Variants in NRL observed in about 807,000 individuals in gnomAD.
NRL encodes neural retina-specific leucine zipper protein.
In NRL, 16 loss-of-function variants were observed where a neutral mutation model predicts 12.5. The observed-to-expected ratio is 1.28, with a 90% CI of 0.87 to 1.95. The LOEUF (loss-of-function observed/expected upper bound fraction) is 1.95, where lower values mean the gene tolerates loss of function less well. Ranked by LOEUF, NRL falls within the 30% of genes most tolerant of loss-of-function variation. The probability of loss-of-function intolerance (pLI) is 0.00; values close to 1 mark genes in which losing one functional copy is unlikely to be tolerated. For missense variants in NRL, 314 were observed against 325.8 expected (o/e 0.96, Z 0.28); for synonymous variants, 142 against 150.9 (o/e 0.94, Z 0.43).
At chr14:24,103,257 TGAG>T in intron 1 of NRL, 1 of 1,609,898 alleles carries the variant, frequency 6.2e-7, no homozygotes, top group South Asian at 1.1e-5. Context: ...AACACAAAGG[TGAG>T]CACCCTCACC....
At chr14:24,112,449 A>C (rs927609099) in intron 1 of NRL, among the ~76,000 whole-genome samples, 1 of 144,852 alleles carries the variant, frequency 6.9e-6, no homozygotes, top group African/African-American at 2.6e-5. Flanking sequence ...GCAACCTACA[A>C]CATGGGAGAA....
At position 24,094,498 on chromosome 14, in the gene NRL, C is replaced by T; in HGVS notation, c.-27-11623G>A. 3 of 1,473,042 alleles carry T rather than the reference C, an allele frequency of 2.0e-6. No homozygotes were observed. Among genetic ancestry groups the T allele is most frequent in the Non-Finnish European group, 2.7e-6 (3 of 1,119,654 alleles). 91.2% of individuals were successfully genotyped at this position (1,473,042 alleles called of 1,614,324 possible). A position where few individuals can be genotyped will look rare whatever the true frequency, so the allele number is the denominator to read the frequency against. On this transcript the variant is annotated intron_variant, in intron 1 of 2. Transcript: ENST00000561028. This position sits in a 1 kb window ranked among gnomAD's most constrained non-coding sequence, Gnocchi z 4.1. ...GCTGCGCTCGCCCCCTCGGGGCTGC[C>T]AGTGGCGCTCTCCTGCTCTCAGCCT...
chr14:24,109,647 G>A (rs1168079679), intron 1 of NRL, among the ~76,000 whole-genome samples: 2 of 149,490 alleles, frequency 1.3e-5, no homozygotes, highest in African/African-American at 5.0e-5. Flanking sequence ...GCAGTGAGCC[G>A]AGATCGGTCC....
chr14:24,082,527 C>G lies in NRL; in HGVS notation c.322G>C (p.Asp108His). The G allele has an allele frequency of 1.9e-6, 3 of 1,613,446 alleles. No individual in the cohort carries two copies. The highest frequency in any genetic ancestry group is 2.5e-6 in the Non-Finnish European group (3 of 1,180,038). ...LLQGQGPVPVDGPHGYYPGSP... is the reference protein window; with the variant it reads ...LLQGQGPVPVHGPHGYYPGSP... ...CCTGGGTAGTAGCCATGGGGCCCAT[C>G]AACAGGGACTGGGCCCTGACCCTGC... The change falls in exon 2 of 3, where the codon GAT becomes CAT. Residue 108 changes from aspartate (D) to histidine (H), a missense_variant. By Grantham distance (81) the Asp-to-His change is moderately conservative. Coordinates refer to ENST00000561028, the MANE Select transcript of NRL (RefSeq NM_001354768.3).
At chr14:24,100,307 A>C in intron 1 of NRL, 1 of 1,542,174 alleles carries the variant, frequency 6.5e-7, no homozygotes, top group African/African-American at 1.4e-5. Flanking sequence ...ATCTTCTAGG[A>C]CTGCCAGGAG....
chr14:24,090,284 C>CGGGGG (rs1198592711), intron 1 of NRL, among the ~76,000 whole-genome samples: 2 of 7,940 alleles, frequency 2.5e-4, no homozygotes, highest in African/African-American at 1.3e-3. Flanking sequence ...GGGGGGGGCA[C>CGGGGG]GGGGGGGGAC....
intron 1 of NRL, chr14:24,100,516 A>G: frequency 2.3e-6 from 2 of 878,448 alleles, no homozygotes; most frequent in Non-Finnish European, 3.1e-6. Context: ...AGTGCATAAA[A>G]AGGGTTTATC....
chr14:24,107,089 A>C lies in NRL; in HGVS notation c.-28+7633T>G, dbSNP rs8017873. 1.7e-3 allele frequency among the ~76,000 whole-genome samples: 265 copies of C among 152,354 alleles called. 2 individuals carry two copies. The highest frequency in any genetic ancestry group is 6.2e-3 in the African/African-American group (258 of 41,592). ...CATATTGCTGACTCTACAGTTTAAA[A>C]GGAACATGAGCAATGTAAATAAAAT... is the stretch of plus-strand genomic sequence containing the variant. On this transcript the variant is annotated intron_variant, in intron 1 of 2. Coordinates refer to ENST00000561028, the MANE Select transcript of NRL (RefSeq NM_001354768.3).
intron 1 of NRL, among the ~76,000 whole-genome samples, chr14:24,091,991 T>C (rs2036645556): frequency 6.6e-6 from 1 of 152,186 alleles, no homozygotes; most frequent in Non-Finnish European, 1.5e-5. Context: ...CCTCCCTTTT[T>C]CCTTGATTCT....
At chr14:24,100,619 C>G (rs1412012224) in intron 1 of NRL, 1 of 1,036,580 alleles carries the variant, frequency 9.6e-7, no homozygotes, top group Admixed American at 4.9e-5. Context: ...AACATTCTTA[C>G]AGAAGGTATT....
intron 1 of NRL, 122 bp downstream of exon 1, chr14:24,114,600 C>G (rs1417396582): frequency 1.2e-6 from 1 of 861,170 alleles, no homozygotes; most frequent in Non-Finnish European, 1.4e-6. Context: ...ACGCCTAGTT[C>G]GGCTGTCTCT....
intron 1 of NRL, chr14:24,098,459 A>G (rs765644133): frequency 6.8e-6 from 11 of 1,613,774 alleles, no homozygotes. Flanking sequence ...CATCCAGGGG[A>G]TGCCTTCCTC....
rs1217324409 is a variant in NRL at position 24,089,044 on chromosome 14, TCCGC to T, written c.-27-6173_-27-6170del. Reference sequence around the variant, plus strand: ...TGGTCTCGATCTCCTGACCTCGTGATCCGCCCGCCTCGGCCTCCCAAAGTGCTGG... The same window carrying T: ...TGGTCTCGATCTCCTGACCTCGTGATCCGCCTCGGCCTCCCAAAGTGCTGG... On this transcript the variant is annotated intron_variant, in intron 1 of 2. Coordinates refer to ENST00000561028, the MANE Select transcript of NRL (RefSeq NM_001354768.3). Among the ~76,000 whole-genome samples the T allele has an allele frequency of 2.0e-4, 31 of 151,996 alleles. 1 individual carries two copies. Among genetic ancestry groups the T allele is most frequent in the African/African-American group, 6.3e-4 (26 of 41,458 alleles).
intron 1 of NRL, among the ~76,000 whole-genome samples, chr14:24,096,478 A>G (rs540427984): frequency 1.3e-5 from 2 of 151,928 alleles, no homozygotes; most frequent in South Asian, 4.2e-4. Context: ...CTCATGATCC[A>G]CCTGCCTCAG....
Position 24,078,977 on chromosome 14 carries a change from TA to T in NRL, c.*2258del, listed in dbSNP as rs1299622310. Among the ~76,000 whole-genome samples the T allele has an allele frequency of 6.6e-6, 1 of 152,158 alleles. No individual in the cohort carries two copies. The highest frequency in any genetic ancestry group is 1.5e-5 in the Non-Finnish European group (1 of 68,022). On this transcript the variant is annotated 3_prime_UTR_variant, in exon 3 of 3. Transcript: ENST00000561028. ...CATTACATCTGAATTTATTTTATTT[TA>T]TTTTTTTGTAGTGACAGGGTTCTCG...
At chr14:24,098,476 C>T in intron 1 of NRL, 3 of 1,614,002 alleles carry the variant, frequency 1.9e-6, no homozygotes, top group Non-Finnish European at 2.5e-6. Context: ...CCTCCACAGG[C>T]CGCACCATGT....
At chr14:24,093,958 C>T (rs961923687) in intron 1 of NRL, 1 of 501,162 alleles carries the variant, frequency 2.0e-6, no homozygotes. Flanking sequence ...CCCCTGTAGT[C>T]TCCCGCCCCT....
chr14:24,088,467 G>A (rs1214537748), intron 1 of NRL, among the ~76,000 whole-genome samples: 1 of 152,246 alleles, frequency 6.6e-6, no homozygotes, highest in Non-Finnish European at 1.5e-5. Flanking sequence ...CCAGCTGAGG[G>A]CCAGTGGCCA....
At chr14:24,107,055 C>T (rs1220639282) in intron 1 of NRL, among the ~76,000 whole-genome samples, 10 of 152,046 alleles carry the variant, frequency 6.6e-5, no homozygotes, top group Non-Finnish European at 1.0e-4. Flanking sequence ...GCCCTGTAAG[C>T]GTATATTACA....
Sources: allele counts gnomAD v4.1 joint callset (sites outside exome capture counted in the v4.1 genomes callset), GRCh38; gene constraint gnomAD v4.1.1; non-coding constraint Gnocchi (gnomAD v3.1); transcripts MANE v1.5; gene names NCBI Gene and HGNC (gene_info 2026-07-23, HGNC 2026-07-21).